ARSG: variants seen among roughly 807,000 people sequenced by gnomAD.
ARSG encodes arylsulfatase G, also known as ASG.
ARSG carries 37 observed loss-of-function variants against 50.5 expected under a neutral mutation model. The ratio of observed to expected loss-of-function variants is 0.73; its 90% CI spans 0.56 to 0.96. The LOEUF (loss-of-function observed/expected upper bound fraction) is 0.96. Among genes scored for constraint, ARSG ranks in the 50% least tolerant of loss-of-function variants. The pLI is 0.00. For synonymous variants in ARSG, 225 were observed against 254.6 expected (o/e 0.88, Z 1.11); for missense variants, 629 against 675.3 (o/e 0.93, Z 0.76).
chr17:68,375,206 A>G (rs1189872021), intron 8 of ARSG, among the ~76,000 whole-genome samples: 3 of 152,204 alleles, frequency 2.0e-5, no homozygotes, highest in African/African-American at 7.2e-5. Context: ...GGTGACGCTG[A>G]TGTGGTTGGT....
chr17:68,382,546 A>G (rs1456828685), intron 8 of ARSG, among the ~76,000 whole-genome samples: 4 of 152,352 alleles, frequency 2.6e-5, no homozygotes, highest in African/African-American at 9.6e-5. Context: ...AGGAGTAGCT[A>G]TCCTAGAATT....
At chr17:68,438,040 T>C in the ARSG span, among the ~76,000 whole-genome samples, 1 of 150,246 alleles carries the variant, frequency 6.7e-6, no homozygotes, top group South Asian at 2.1e-4. Flanking sequence ...GAAAAAACTT[T>C]AGGTCAGGCT....
chr17:68,286,137 T>C (rs1316954917), intron 1 of ARSG, among the ~76,000 whole-genome samples: 1 of 152,164 alleles, frequency 6.6e-6, no homozygotes. Context: ...TGGGACCAGA[T>C]TGCAGTTTTT....
intron 2 of ARSG, among the ~76,000 whole-genome samples, chr17:68,334,944 A>G (rs988545724): frequency 6.6e-6 from 1 of 152,194 alleles, no homozygotes; most frequent in African/African-American, 2.4e-5. Context: ...GGGAGGGGAC[A>G]TAGACCCCAC....
At chr17:68,343,319 G>A (rs986439474) in intron 2 of ARSG, among the ~76,000 whole-genome samples, 4 of 152,092 alleles carry the variant, frequency 2.6e-5, no homozygotes, top group Non-Finnish European at 4.4e-5. Flanking sequence ...ACTGCACCAA[G>A]CTAATTTTTA....
chr17:68,321,496 T>C (rs1287024382), intron 2 of ARSG, among the ~76,000 whole-genome samples: 3 of 152,222 alleles, frequency 2.0e-5, no homozygotes, highest in Admixed American at 6.5e-5. Context: ...TTTAAAAACC[T>C]ATTTTCACGT....
In ARSG at chr17:68,329,711, C is replaced by T. The variant is rs111846262; in HGVS notation, c.219-13893C>T. 6.7e-3 allele frequency among the ~76,000 whole-genome samples: 1,022 copies of T among 152,212 alleles called. 17 individuals carry two copies. The highest frequency in any genetic ancestry group is 0.023 in the African/African-American group (959 of 41,508). ...AAAGGGTTTCCAGCCAGGGACTAAT[C>T]GCAGGGGTGTCTAATCTTTTGGCTT... On this transcript the variant is annotated intron_variant, in intron 2 of 11. Coordinates refer to ENST00000621439, the MANE Select transcript of ARSG (RefSeq NM_001267727.2).
upstream of ARSG, chr17:68,291,461 G>T (rs1365344877): frequency 2.0e-5 from 3 of 150,798 alleles, no homozygotes; most frequent in Non-Finnish European, 3.0e-5. Context: ...AGCGCTGAGC[G>T]CAGCCAAGGA....
chr17:68,390,930 T>TG (rs2080963642), intron 9 of ARSG, among the ~76,000 whole-genome samples: 1 of 149,700 alleles, frequency 6.7e-6, no homozygotes, highest in Admixed American at 6.7e-5. Flanking sequence ...CCCGGTCCTT[T>TG]TTTTTTTTTT....
At position 68,271,285 on chromosome 17, in the gene ARSG, T is replaced by C. The variant is rs781984937; in HGVS notation, c.-552+11859T>C. On this transcript the variant is annotated intron_variant, in intron 1 of 11. Transcript: ENST00000448504. This position sits in a 1 kb window ranked among gnomAD's most constrained non-coding sequence, Gnocchi z 5.3. The stretch of plus-strand genomic sequence containing the variant: ...AAATAATGCATAACAAATAAAACTT[T>C]TCTCTTTCAAAATGGAGAAGTCTAA... 6.2e-7 allele frequency: 1 copy of C among 1,614,238 alleles called. No individual in the cohort carries two copies. The highest frequency in any genetic ancestry group is 1.7e-5 in the Admixed American group (1 of 60,018).
chr17:68,275,982 C>CA (rs1193683472), intron 1 of ARSG, among the ~76,000 whole-genome samples: 1,169 of 116,310 alleles, frequency 0.01, 7 homozygotes, highest in African/African-American at 0.027. Flanking sequence ...GACTCCGTCT[C>CA]AAAAAAAAAA....
intron 1 of ARSG, among the ~76,000 whole-genome samples, chr17:68,275,109 G>A (rs1411721248): frequency 6.6e-6 from 1 of 152,214 alleles, no homozygotes; most frequent in Non-Finnish European, 1.5e-5. Flanking sequence ...ATGAAAGAAT[G>A]TGAATTCTAA....
Position 68,413,259 on chromosome 17 carries a change from C to T in ARSG, c.1304-6930C>T, listed in dbSNP as rs890072050. On this transcript the variant is annotated intron_variant, in intron 11 of 11. Transcript: ENST00000621439. ...TTCCCCATCTTTGTGGTTTTATCTA[C>T]GTTTGGTCTTTGATGATGGTGATGT... 3.4e-4 allele frequency among the ~76,000 whole-genome samples: 51 copies of T among 152,120 alleles called. 1 individual carries two copies. The highest frequency in any genetic ancestry group is 6.2e-4 in the South Asian group (3 of 4,822).
the ARSG span, among the ~76,000 whole-genome samples, chr17:68,446,211 C>T: frequency 2.6e-5 from 4 of 151,682 alleles, no homozygotes; most frequent in Admixed American, 2.6e-4. Flanking sequence ...GACAGGGTCT[C>T]GTTCTGTCAC....
At chr17:68,315,073 T>C (rs2077018743) in intron 2 of ARSG, among the ~76,000 whole-genome samples, 1 of 152,228 alleles carries the variant, frequency 6.6e-6, no homozygotes, top group South Asian at 2.1e-4. Context: ...TTTTCTCTTA[T>C]ATCTCAGATG....
intron 1 of ARSG, among the ~76,000 whole-genome samples, chr17:68,265,633 G>A (rs1295247801): frequency 6.6e-6 from 1 of 151,852 alleles, no homozygotes; most frequent in Admixed American, 6.6e-5. Flanking sequence ...TGCTTCTGGC[G>A]GTACTGACCT....
At chr17:68,342,039 C>G (rs1481749541) in intron 2 of ARSG, among the ~76,000 whole-genome samples, 1 of 151,850 alleles carries the variant, frequency 6.6e-6, no homozygotes, top group African/African-American at 2.4e-5. Flanking sequence ...AGGCTGGTCT[C>G]CAACTCCTGA....
chr17:68,368,666 G>A lies in ARSG; in HGVS notation c.823G>A (p.Glu275Lys). The stretch of plus-strand genomic sequence containing the variant: ...AAGCCTGTATGGTGCAGGGCTCTGG[G>A]AGATGGACAGTCTGGTGGGCCAGAT... Reference protein sequence around the residue: ...GRSLYGAGLWEMDSLVGQIKD... With the variant: ...GRSLYGAGLWKMDSLVGQIKD... Residue 275 changes from glutamate (E) to lysine (K), a missense_variant, in exon 7 of 12, where the codon GAG becomes AAG. Physicochemically the swap from Glu to Lys is moderately conservative, Grantham distance 56. Coordinates refer to ENST00000621439, the MANE Select transcript of ARSG (RefSeq NM_001267727.2). The A allele has an allele frequency of 1.2e-6, 2 of 1,614,172 alleles. No individual in the cohort carries two copies. Among genetic ancestry groups the A allele is most frequent in the Non-Finnish European group, 1.7e-6 (2 of 1,180,014 alleles).
chr17:68,408,394 A>G (rs111267886), intron 11 of ARSG, among the ~76,000 whole-genome samples: 3 of 150,612 alleles, frequency 2.0e-5, no homozygotes, highest in South Asian at 2.1e-4. Flanking sequence ...TTGTTCTTGC[A>G]ATAGTTTACT....
Sources: gnomAD v4.1 joint callset for allele counts (sites outside exome capture counted in the v4.1 genomes callset) on GRCh38, gnomAD v4.1.1 for gene constraint, Gnocchi (gnomAD v3.1) non-coding constraint, MANE v1.5 for transcripts, NCBI Gene and HGNC (gene_info 2026-07-23, HGNC 2026-07-21) for gene names.